SLC44A1: variants seen among roughly 807,000 people sequenced by gnomAD.
SLC44A1 encodes the protein solute carrier family 44 member 1.
SLC44A1 carries 26 observed loss-of-function variants against 79.3 expected under a neutral mutation model. The ratio of observed to expected loss-of-function variants is 0.33; its 90% CI spans 0.24 to 0.46. SLC44A1 has a LOEUF of 0.46. Ranked by LOEUF, SLC44A1 falls within the 20% of genes least tolerant of loss-of-function variation. The pLI is 1.00. For missense variants in SLC44A1, 688 were observed against 798.1 expected, an observed-to-expected ratio of 0.86 and a Z score of 1.66; for synonymous variants, 263 against 286.2, an observed-to-expected ratio of 0.92 and a Z score of 0.82.
chr9:105,296,947 A>G (rs1217714074), intron 1 of SLC44A1, among the ~76,000 whole-genome samples: 2 of 152,232 alleles, frequency 1.3e-5, no homozygotes, highest in South Asian at 2.1e-4. Context: ...ACCCAGAGAT[A>G]TGAAGCAATT....
chr9:105,329,384 G>A (rs939373342), intron 3 of SLC44A1, among the ~76,000 whole-genome samples: 5 of 151,992 alleles, frequency 3.3e-5, no homozygotes, highest in East Asian at 1.9e-4. Flanking sequence ...AGCCAAATTC[G>A]GCAGGAGGCA....
At chr9:105,424,847 T>C (rs1308526427) in intron 15 of SLC44A1, among the ~76,000 whole-genome samples, 2 of 150,892 alleles carry the variant, frequency 1.3e-5, no homozygotes, top group African/African-American at 4.9e-5. Context: ...CTTGGGAGGC[T>C]GAGGCAGGAG....
At chr9:105,385,698 ATAAAAG>A in intron 15 of SLC44A1, 196 bp downstream of exon 15, 1 of 985,422 alleles carries the variant, frequency 1.0e-6, no homozygotes, top group Non-Finnish European at 1.2e-6. Context: ...ACCACCTTCT[ATAAAAG>A]TAAGCTGAAA....
chr9:105,371,164 G>A (rs1828086226), intron 12 of SLC44A1, among the ~76,000 whole-genome samples: 1 of 152,216 alleles, frequency 6.6e-6, no homozygotes, highest in Non-Finnish European at 1.5e-5. Flanking sequence ...CTTGAAATGA[G>A]CAAATGTGGT....
intron 1 of SLC44A1, among the ~76,000 whole-genome samples, chr9:105,269,441 A>G (rs965358525): frequency 3.3e-5 from 5 of 152,094 alleles, no homozygotes; most frequent in Non-Finnish European, 7.4e-5. Context: ...TAGAGTTAGG[A>G]TTAATAAATT....
At chr9:105,331,064 T>C (rs183195800) in intron 3 of SLC44A1, among the ~76,000 whole-genome samples, 1 of 152,358 alleles carries the variant, frequency 6.6e-6, no homozygotes, top group Admixed American at 6.5e-5. Flanking sequence ...TTGTCTTTCA[T>C]TCTCACTTTT....
At chr9:105,362,268 A>G (rs1298897099) in intron 8 of SLC44A1, among the ~76,000 whole-genome samples, 1 of 152,250 alleles carries the variant, frequency 6.6e-6, no homozygotes, top group Non-Finnish European at 1.5e-5. Flanking sequence ...AAATAAAGCC[A>G]TCATAAAACC....
chr9:105,299,215 A>G lies in SLC44A1; in HGVS notation c.37-5A>G. Reference sequence around the variant, plus strand: ...AACACTCTCTTATTTTGTATTTCCAATTAGAGCTCCAAACGAGAATGGAAG... The same window carrying G: ...AACACTCTCTTATTTTGTATTTCCAGTTAGAGCTCCAAACGAGAATGGAAG... On this transcript the variant is annotated splice_region_variant and splice_polypyrimidine_tract_variant and intron_variant, in intron 1 of 15. Coordinates refer to ENST00000374720, the MANE Select transcript of SLC44A1 (RefSeq NM_080546.5). 6.3e-7 allele frequency: 1 copy of G among 1,585,534 alleles called. No individual in the cohort carries two copies. The highest frequency in any genetic ancestry group is 8.6e-7 in the Non-Finnish European group (1 of 1,168,896).
downstream of SLC44A1, among the ~76,000 whole-genome samples, chr9:105,399,111 A>G (rs533048079): frequency 1.3e-5 from 2 of 152,326 alleles, no homozygotes; most frequent in Admixed American, 6.5e-5. Flanking sequence ...GAAATGCTTT[A>G]TGCTTTTAAT....
intron 1 of SLC44A1, among the ~76,000 whole-genome samples, chr9:105,291,457 G>A (rs571096455): frequency 6.6e-6 from 1 of 152,222 alleles, no homozygotes; most frequent in African/African-American, 2.4e-5. Flanking sequence ...TTTGAGGTGT[G>A]TCAGGGAGTA....
At position 105,392,601 on chromosome 9, in the gene SLC44A1, T is replaced by TA. The variant is rs1828791161; in HGVS notation, c.*3546dup. ...CCAAACTGCTTTAGAGCAGAGTTAA[T>TA]ACCTCTCCCTCCCTCTTCAAAACAG... On this transcript the variant is annotated 3_prime_UTR_variant, in exon 16 of 16. Transcript: ENST00000374720. 4 of 985,348 alleles carry TA rather than the reference T, an allele frequency of 4.1e-6. No individual in the cohort carries two copies. In the South Asian group the frequency reaches 1.9e-4, roughly 46 times the overall value. The allele number at this position is 985,348 out of a possible 1,614,324, so 61.0% of individuals were successfully genotyped here. A position where few individuals can be genotyped will look rare whatever the true frequency, so the allele number is the denominator to read the frequency against.
chr9:105,354,362 T>C (rs1241140623), intron 5 of SLC44A1, among the ~76,000 whole-genome samples: 1 of 152,214 alleles, frequency 6.6e-6, no homozygotes, highest in Non-Finnish European at 1.5e-5. Context: ...TTAATCCTTT[T>C]TGATTCTCAT....
At chr9:105,438,130 C>A in intron 15 of SLC44A1, 2 of 495,394 alleles carry the variant, frequency 4.0e-6, no homozygotes, top group South Asian at 4.3e-5. Flanking sequence ...ATTTGTTAAT[C>A]TGTGTGTGTG....
chr9:105,381,987 TAC>T (rs1341050798), intron 13 of SLC44A1, among the ~76,000 whole-genome samples: 1 of 152,184 alleles, frequency 6.6e-6, no homozygotes, highest in Non-Finnish European at 1.5e-5. Context: ...TAAAGCCTTA[TAC>T]AAGACAAAAT....
At chr9:105,418,231 T>C (rs1829198085) in intron 15 of SLC44A1, among the ~76,000 whole-genome samples, 1 of 150,346 alleles carries the variant, frequency 6.7e-6, no homozygotes, top group Non-Finnish European at 1.5e-5. Flanking sequence ...GGAGAATCTC[T>C]TGAACCTGGG....
At chr9:105,339,847 CAAAG>C (rs1243733514) in intron 4 of SLC44A1, among the ~76,000 whole-genome samples, 7 of 151,864 alleles carry the variant, frequency 4.6e-5, no homozygotes, top group African/African-American at 9.7e-5. Flanking sequence ...CAAACAAAAA[CAAAG>C]AAAATGTGGT....
rs761515326 is a variant in SLC44A1 at position 105,369,919 on chromosome 9, G to A, written c.1494+3490G>A. Reference sequence around the variant, plus strand: ...ACACAAAAGTACAACCAGGGATTGCGTAGGCTAACAGGCATCCTTTAAAAA... The same window carrying A: ...ACACAAAAGTACAACCAGGGATTGCATAGGCTAACAGGCATCCTTTAAAAA... On this transcript the variant is annotated intron_variant, in intron 12 of 15. Coordinates refer to ENST00000374720, the MANE Select transcript of SLC44A1 (RefSeq NM_080546.5). Among the ~76,000 whole-genome samples the A allele has an allele frequency of 7.9e-5, 12 of 152,354 alleles. No individual in the cohort carries two copies. The East Asian group carries it at 1.5e-3, about 20-fold the overall frequency.
Position 105,264,529 on chromosome 9 carries a change from T to G in SLC44A1, c.36+19625T>G, listed in dbSNP as rs10115888. ...CTTAACAGCCGAGTCATGTAGTATT[T>G]CATCATTTGTCACTCTTGGAGATCG... is the stretch of plus-strand genomic sequence containing the variant. On this transcript the variant is annotated intron_variant, in intron 1 of 15. Transcript: ENST00000374720. 5.3e-3 allele frequency among the ~76,000 whole-genome samples: 800 copies of G among 152,316 alleles called. 6 individuals carry two copies. The highest frequency in any genetic ancestry group is 0.019 in the African/African-American group (775 of 41,566).
At chr9:105,331,661 T>C (rs1229621566) in intron 3 of SLC44A1, among the ~76,000 whole-genome samples, 1 of 152,230 alleles carries the variant, frequency 6.6e-6, no homozygotes, top group Non-Finnish European at 1.5e-5. Flanking sequence ...TAAAGTATAA[T>C]TACTTTTAAG....
Sources: allele counts gnomAD v4.1 joint callset (sites outside exome capture counted in the v4.1 genomes callset), GRCh38; gene constraint gnomAD v4.1.1; transcripts MANE v1.5; gene names NCBI Gene and HGNC (gene_info 2026-07-23, HGNC 2026-07-21).